The following NICOL1 variants were observed in gnomAD, a reference collection of about 807,000 sequenced individuals.
NICOL1 encodes the protein NELL2 interacting cell ontogeny regulator 1, also known as NELL2-interacting cell ontogeny regulator 1.
the NICOL1 span, among the ~76,000 whole-genome samples, chr4:2,041,512 G>T: frequency 6.6e-6 from 1 of 152,166 alleles, no homozygotes; most frequent in Non-Finnish European, 1.5e-5. Flanking sequence ...TGCCCACCCT[G>T]ACGCCCGAGG....
At chr4:2,041,976 C>CG in the NICOL1 span, 49 of 1,453,406 alleles carry the variant, frequency 3.4e-5, no homozygotes, top group African/African-American at 3.5e-4. Flanking sequence ...GGAACCCGGG[C>CG]GGGGTCGGGT....
At chr4:2,038,838 A>G in the NICOL1 span, among the ~76,000 whole-genome samples, 2 of 152,198 alleles carry the variant, frequency 1.3e-5, no homozygotes, top group African/African-American at 4.8e-5. Context: ...GTGTCTTGCT[A>G]TATCACAACC....
chr4:2,040,856 ACT>A, the NICOL1 span, among the ~76,000 whole-genome samples: 1 of 38,566 alleles, frequency 2.6e-5, no homozygotes, highest in Admixed American at 2.1e-4. Flanking sequence ...CCTCCCACCC[ACT>A]CTTAGGGTCA....
chr4:2,036,643 TGGA>T, the NICOL1 span, among the ~76,000 whole-genome samples: 1 of 152,154 alleles, frequency 6.6e-6, no homozygotes, highest in Non-Finnish European at 1.5e-5. Flanking sequence ...GAGGACAGCG[TGGA>T]GAAGAAATCC....
At chr4:2,043,766 G>A in the NICOL1 span, 4 of 974,540 alleles carry the variant, frequency 4.1e-6, no homozygotes, top group African/African-American at 6.5e-5. Flanking sequence ...TGTCTCAGGA[G>A]CCGGTGGAGA....
the NICOL1 span, chr4:2,042,186 G>A: frequency 6.5e-5 from 94 of 1,443,274 alleles, no homozygotes; most frequent in Non-Finnish European, 8.4e-5. Context: ...GTGGGGAGGG[G>A]GCTCCCGGGC....
At chr4:2,042,845 G>A in the NICOL1 span, 51 of 1,462,816 alleles carry the variant, frequency 3.5e-5, no homozygotes, top group East Asian at 8.0e-4. Context: ...GCGGCGCGAC[G>A]GTCCTCCCGG....
chr4:2,039,695 C>T, the NICOL1 span, among the ~76,000 whole-genome samples: 3 of 151,882 alleles, frequency 2.0e-5, no homozygotes, highest in African/African-American at 4.8e-5. Flanking sequence ...CAAAAATTAG[C>T]CGGGTGTGGT....
chr4:2,042,572 C>A, the NICOL1 span: 4 of 487,988 alleles, frequency 8.2e-6, no homozygotes, highest in African/African-American at 2.0e-5. Flanking sequence ...AGGACCGCGC[C>A]TCGCCTTTGT....
the NICOL1 span, among the ~76,000 whole-genome samples, chr4:2,037,033 G>A: frequency 2.0e-5 from 3 of 152,068 alleles, no homozygotes; most frequent in Non-Finnish European, 4.4e-5. Flanking sequence ...GGATCACGGA[G>A]GCCGACTTCC....
At chr4:2,039,153 C>T in the NICOL1 span, among the ~76,000 whole-genome samples, 2 of 152,090 alleles carry the variant, frequency 1.3e-5, no homozygotes, top group African/African-American at 4.8e-5. Context: ...GTGGCTCATG[C>T]CTGTAGTCCC....
At chr4:2,042,065 C>T in the NICOL1 span, 68 of 1,477,640 alleles carry the variant, frequency 4.6e-5, no homozygotes, top group African/African-American at 8.8e-4. Flanking sequence ...GTCCCTGAAC[C>T]GCGGTAAGGG....
At chr4:2,042,552 C>A in the NICOL1 span, 1 of 462,808 alleles carries the variant, frequency 2.2e-6, no homozygotes, top group Non-Finnish European at 3.8e-6. Flanking sequence ...GGGGCCGGGG[C>A]TCTGCGGGGA....
the NICOL1 span, among the ~76,000 whole-genome samples, chr4:2,040,805 G>A: frequency 3.6e-4 from 55 of 152,286 alleles, no homozygotes; most frequent in African/African-American, 1.3e-3. Flanking sequence ...GCCCAACCCG[G>A]AGGAGGCAGC....
At chr4:2,037,512 T>C in the NICOL1 span, among the ~76,000 whole-genome samples, 2 of 152,240 alleles carry the variant, frequency 1.3e-5, no homozygotes, top group Non-Finnish European at 2.9e-5. Context: ...AAACATTAAA[T>C]GCTTAGATTA....
At chr4:2,038,237 GTATATATA>G in the NICOL1 span, among the ~76,000 whole-genome samples, 663 of 91,374 alleles carry the variant, frequency 7.3e-3, 8 homozygotes, top group Admixed American at 0.029. Flanking sequence ...TGATCAGTGT[GTATATATA>G]TATATATATA....
the NICOL1 span, among the ~76,000 whole-genome samples, chr4:2,040,959 G>GGCCA: frequency 1.3e-4 from 19 of 151,482 alleles, no homozygotes; most frequent in African/African-American, 4.4e-4. Flanking sequence ...GAAGACCACC[G>GGCCA]GCCAGAACCC....
the NICOL1 span, chr4:2,042,756 C>T: frequency 2.0e-6 from 3 of 1,518,256 alleles, no homozygotes; most frequent in Admixed American, 6.0e-5. Context: ...CGTGGACTGC[C>T]ACGCCTTCGA....
the NICOL1 span, among the ~76,000 whole-genome samples, chr4:2,039,710 C>T: frequency 2.0e-5 from 3 of 150,762 alleles, no homozygotes; most frequent in African/African-American, 7.3e-5. Flanking sequence ...TGTGGTGGCA[C>T]GCACCTGTAG....
Sources: gnomAD v4.1 joint callset for allele counts (sites outside exome capture counted in the v4.1 genomes callset) on GRCh38, gnomAD v4.1.1 for gene constraint, MANE v1.5 for transcripts, NCBI Gene and HGNC (gene_info 2026-07-23, HGNC 2026-07-21) for gene names.